COL11A1: variants seen among roughly 807,000 people sequenced by gnomAD.
COL11A1 encodes collagen alpha-1(XI) chain.
A neutral mutation model predicts 265.2 loss-of-function variants in COL11A1; 74 were observed. The observed-to-expected ratio is 0.28, with a 90% CI of 0.23 to 0.34. The LOEUF (loss-of-function observed/expected upper bound fraction) is 0.34, where lower values mean the gene tolerates loss of function less well. Among genes scored for constraint, COL11A1 ranks in the 10% least tolerant of loss-of-function variants. The pLI, the probability that COL11A1 is intolerant of heterozygous loss-of-function variation, is 1.00. For missense variants in COL11A1, 2,165 were observed against 2,263.6 expected (o/e 0.96, Z 0.88); for synonymous variants, 816 against 727.6 (o/e 1.12, Z -1.96).
At chr1:102,979,483 T>C in intron 31 of COL11A1, 48 bp from the exon 32 acceptor site, 1 of 1,238,574 alleles carries the variant, frequency 8.1e-7, no homozygotes, top group Non-Finnish European at 1.2e-6. Flanking sequence ...ATTAACATTT[T>C]CAGTCACAAG....
intron 55 of COL11A1, 52 bp from the exon 56 acceptor site, chr1:102,898,825 T>C: frequency 1.3e-6 from 2 of 1,537,230 alleles, no homozygotes; most frequent in South Asian, 1.1e-5. Context: ...AATACTTTTA[T>C]TATTTTATTA....
At chr1:103,080,925 G>A (rs984119553) in intron 2 of COL11A1, among the ~76,000 whole-genome samples, 2 of 151,746 alleles carry the variant, frequency 1.3e-5, no homozygotes, top group African/African-American at 2.4e-5. Flanking sequence ...GATGTTGAAG[G>A]GATATCTGCA....
intron 41 of COL11A1, among the ~76,000 whole-genome samples, chr1:102,954,890 A>G (rs528934696): frequency 3.0e-4 from 45 of 152,206 alleles, no homozygotes; most frequent in African/African-American, 1.1e-3. Context: ...TGTCAAAACT[A>G]TGAAGTACTT....
chr1:103,101,494 G>A (rs1010036871), intron 1 of COL11A1, among the ~76,000 whole-genome samples: 4 of 151,860 alleles, frequency 2.6e-5, no homozygotes, highest in Admixed American at 1.3e-4. Flanking sequence ...TGCTCTTTCT[G>A]GCAGTCATCC....
Position 102,877,767 on chromosome 1 carries a change from G to A in COL11A1, c.*252C>T, listed in dbSNP as rs1649669959. The A allele has an allele frequency of 5.0e-6, 2 of 403,074 alleles. No homozygotes were observed. The highest frequency in any genetic ancestry group is 9.0e-6 in the Non-Finnish European group (2 of 221,510). The allele number at this position is 403,074 out of a possible 1,614,324, so 25.0% of individuals were successfully genotyped here. On this transcript the variant is annotated 3_prime_UTR_variant, in exon 67 of 67. Coordinates refer to ENST00000370096, the MANE Select transcript of COL11A1 (RefSeq NM_001854.4). The stretch of plus-strand genomic sequence containing the variant: ...ACCAAAGAAATTCAAATAGGAAAAG[G>A]AGAGTTGAGAATTGGGAATCAAGAA...
chr1:103,090,560 T>G (rs1384324805), intron 1 of COL11A1, among the ~76,000 whole-genome samples: 2 of 152,200 alleles, frequency 1.3e-5, no homozygotes, highest in Non-Finnish European at 2.9e-5. Context: ...GCCCAACAAC[T>G]AATCCAAATT....
intron 23 of COL11A1, among the ~76,000 whole-genome samples, 199 bp downstream of exon 23, chr1:103,002,229 G>A (rs1378100114): frequency 6.6e-6 from 1 of 152,090 alleles, no homozygotes; most frequent in African/African-American, 2.4e-5. Flanking sequence ...CATTGAATGA[G>A]TCATTTTTCC....
rs56230601 is a variant in COL11A1 at position 103,082,864 on chromosome 1, G to C, written c.215C>G (p.Thr72Ser). ...TNRKNSKGSD[T>S]AYRVSKQAQL... is the part of the protein sequence containing the mutation. ...TGCTTGCTTTGAAACTCTGTAAGCAGTATCTGAGCCTTTAGAATTCTTTCT... is the reference window on the plus strand; with the variant it reads ...TGCTTGCTTTGAAACTCTGTAAGCACTATCTGAGCCTTTAGAATTCTTTCT... The change falls in exon 2 of 67, where the codon ACT becomes AGT. Residue 72 changes from threonine to serine, a missense_variant. Transcript: ENST00000370096. 1.6e-4 allele frequency: 261 copies of C among 1,613,692 alleles called. 2 individuals carry two copies. The highest frequency in any genetic ancestry group is 1.4e-3 in the South Asian group (132 of 91,070).
intron 30 of COL11A1, among the ~76,000 whole-genome samples, chr1:102,987,273 T>C (rs1372609320): frequency 6.6e-6 from 1 of 151,944 alleles, no homozygotes; most frequent in Non-Finnish European, 1.5e-5. Flanking sequence ...TATATGTATG[T>C]ATATGAAAGA....
intron 4 of COL11A1, among the ~76,000 whole-genome samples, chr1:103,049,447 G>T (rs1396872296): frequency 6.6e-6 from 1 of 152,042 alleles, no homozygotes; most frequent in Non-Finnish European, 1.5e-5. Flanking sequence ...TTTTCGATTT[G>T]CTTGGTAGAT....
chr1:103,026,532 T>C (rs1261364234), intron 5 of COL11A1, among the ~76,000 whole-genome samples, 200 bp from the exon 6 acceptor site: 1 of 152,190 alleles, frequency 6.6e-6, no homozygotes, highest in Non-Finnish European at 1.5e-5. Flanking sequence ...ACAAAGCACA[T>C]TTCCTATGAG....
At chr1:102,883,807 AT>A (rs1358424042) in intron 63 of COL11A1, among the ~76,000 whole-genome samples, 1 of 146,040 alleles carries the variant, frequency 6.8e-6, no homozygotes, top group Admixed American at 6.8e-5. Flanking sequence ...GCCTTATTTT[AT>A]AAAAAAAAAA....
intron 57 of COL11A1, among the ~76,000 whole-genome samples, chr1:102,895,613 C>G (rs1220632227): frequency 6.6e-6 from 1 of 151,968 alleles, no homozygotes; most frequent in Non-Finnish European, 1.5e-5. Flanking sequence ...ATAGCTTTCA[C>G]ACAGATTAAT....
intron 13 of COL11A1, 70 bp downstream of exon 13, chr1:103,014,441 G>A (rs1462880630): frequency 1.7e-5 from 21 of 1,223,134 alleles, no homozygotes; most frequent in East Asian, 7.0e-5. Flanking sequence ...AGCATCTTCC[G>A]TATGTACACA....
Position 103,108,249 on chromosome 1 carries a change from C to CGAAA in COL11A1, c.-72_-71insTTTC. On this transcript the variant is annotated 5_prime_UTR_variant, in exon 1 of 67. Transcript: ENST00000370096. Reference sequence around the variant, plus strand: ...CGACTGCAGACCAACTTCGTCCTTTCCAAGGTATCGCCAGGGATGTTTGCT... The same window carrying CGAAA: ...CGACTGCAGACCAACTTCGTCCTTTCGAAACAAGGTATCGCCAGGGATGTTTGCT... 1 of 1,198,968 alleles carries CGAAA rather than the reference C, an allele frequency of 8.3e-7. No homozygotes were observed. Among genetic ancestry groups the CGAAA allele is most frequent in the Non-Finnish European group, 1.2e-6 (1 of 808,278 alleles). The allele number at this position is 1,198,968 out of a possible 1,614,324, so 74.3% of individuals were successfully genotyped here. A position where few individuals can be genotyped will look rare whatever the true frequency, so the allele number is the denominator to read the frequency against.
chr1:103,088,388 C>G (rs1485282913), intron 1 of COL11A1, among the ~76,000 whole-genome samples: 1 of 152,234 alleles, frequency 6.6e-6, no homozygotes, highest in South Asian at 2.1e-4. Context: ...GTAACAATGC[C>G]TTCGAATGAT....
Position 103,022,928 on chromosome 1 carries a change from T to A in COL11A1, c.1059A>T (p.Lys353Asn), listed in dbSNP as rs572826781. ...TTTCATATAGTGTATCCTCAGAATTTTTCCTCTGGGAATCATAATCCTCTC... is the reference window on the plus strand; with the variant it reads ...TTTCATATAGTGTATCCTCAGAATTATTCCTCTGGGAATCATAATCCTCTC... The part of the protein sequence containing the change: ...LTGEDYDSQR[K>N]NSEDTLYENK... Residue 353 changes from lysine (K) to asparagine (N), a missense_variant, in exon 8 of 67, where the codon AAA (lysine) becomes AAT (asparagine). By Grantham distance (94) the Lys-to-Asn change is moderately conservative. Transcript: ENST00000370096. The A allele has an allele frequency of 1.7e-5, 28 of 1,613,746 alleles. No individual in the cohort carries two copies. The African/African-American group carries it at 2.5e-4, about 15-fold the overall frequency.
chr1:103,006,526 A>AT lies in COL11A1; in HGVS notation c.1684-212dup, dbSNP rs4013849. Among the ~76,000 whole-genome samples, 759 of 82,820 alleles carry AT rather than the reference A, an allele frequency of 9.2e-3. 137 individuals carry two copies. Among genetic ancestry groups the AT allele is most frequent in the African/African-American group, 0.034 (694 of 20,610 alleles). The allele number at this position is 82,820 out of a possible 152,430, so 54.3% of individuals were successfully genotyped here. ...ATACCTATTTTTTCTAAATGGCTCCATTTTTTTTTTTTTTTTTTTTTTTTT... is the reference window on the plus strand; with the variant it reads ...ATACCTATTTTTTCTAAATGGCTCCATTTTTTTTTTTTTTTTTTTTTTTTTT... On this transcript the variant is annotated intron_variant, in intron 15 of 66. Transcript: ENST00000370096.
intron 24 of COL11A1, chr1:103,001,353 A>G: frequency 2.5e-6 from 1 of 396,404 alleles, no homozygotes; most frequent in East Asian, 3.6e-5. Flanking sequence ...GGTGTTGGAA[A>G]GAGCCAGATA....
Sources: allele counts gnomAD v4.1 joint callset (sites outside exome capture counted in the v4.1 genomes callset), GRCh38; gene constraint gnomAD v4.1.1; transcripts MANE v1.5; gene names NCBI Gene and HGNC (gene_info 2026-07-23, HGNC 2026-07-21).